Variants in PLEKHO1 observed in about 807,000 individuals in gnomAD.
PLEKHO1 encodes the protein pleckstrin homology domain-containing family O member 1.
PLEKHO1 carries 22 observed loss-of-function variants against 41.4 expected under a neutral mutation model. That is an observed-to-expected ratio of 0.53 (90% CI 0.38 to 0.76). PLEKHO1 has a LOEUF of 0.76. PLEKHO1 is among the 30% of genes least tolerant of loss of function. PLEKHO1 has a pLI of 0.00. For missense variants in PLEKHO1, 488 were observed against 518.3 expected (o/e 0.94, Z 0.57); for synonymous variants, 225 against 210.8 (o/e 1.07, Z -0.58).
chr1:150,156,793 A>C (rs781922691), intron 3 of PLEKHO1, 118 bp from the exon 4 acceptor site: 18 of 700,084 alleles, frequency 2.6e-5, no homozygotes, highest in African/African-American at 1.4e-4. Flanking sequence ...GAAGCAGAAT[A>C]TCTCTCCTTC....
At position 150,152,237 on chromosome 1, in the gene PLEKHO1, A is replaced by G. The variant is rs1427509887; in HGVS notation, c.177+1179A>G. Among the ~76,000 whole-genome samples the G allele has an allele frequency of 2.0e-5, 3 of 152,234 alleles. No homozygotes were observed. In the East Asian group the frequency reaches 5.8e-4, roughly 29 times the overall value. On this transcript the variant is annotated intron_variant, in intron 2 of 5. Transcript: ENST00000369124. ...AAGAACTAAGCTGTGCCACAGCCAA[A>G]GAGATCCCTCTTAAGGGTATTGAAA...
chr1:150,150,710 T>G lies in PLEKHO1; in HGVS notation c.31-202T>G, dbSNP rs1030812020. On this transcript the variant is annotated intron_variant, in intron 1 of 5. Coordinates refer to ENST00000369124, the MANE Select transcript of PLEKHO1 (RefSeq NM_016274.6). ...GCCACTTGCAGCCCCGGTTGTTTAT[T>G]CGGGAGCGGGGGAGGGGAGCGGGGG... 1.4e-5 allele frequency: 8 copies of G among 552,258 alleles called. No individual in the cohort carries two copies. In the African/African-American group the frequency reaches 1.5e-4, roughly 11 times the overall value. 34.2% of individuals were successfully genotyped at this position (552,258 alleles called of 1,614,324 possible).
chr1:150,156,802 T>C, intron 3 of PLEKHO1, 109 bp from the exon 4 acceptor site: 1 of 730,924 alleles, frequency 1.4e-6, no homozygotes, highest in Non-Finnish European at 2.5e-6. Flanking sequence ...TATCTCTCCT[T>C]CCTGGAGCTA....
At chr1:150,153,626 C>T (rs587736068) in intron 2 of PLEKHO1, 2 of 152,324 alleles carry the variant, frequency 1.3e-5, no homozygotes, top group East Asian at 3.9e-4. Flanking sequence ...CCCACAACCA[C>T]CTCTGCCGTA....
At chr1:150,156,284 T>G in intron 3 of PLEKHO1, 78 bp downstream of exon 3, 1 of 1,234,320 alleles carries the variant, frequency 8.1e-7, no homozygotes, top group Non-Finnish European at 1.2e-6. Flanking sequence ...TTCCCCTCAG[T>G]TTCTCTCTCA....
Position 150,159,049 on chromosome 1 carries a change from C to G in PLEKHO1, c.756C>G (p.Thr252=). Residue 252 remains threonine, a synonymous_variant, in exon 6 of 6, where the codon ACC becomes ACG. Coordinates refer to ENST00000369124, the MANE Select transcript of PLEKHO1 (RefSeq NM_016274.6). The part of the protein sequence containing the change: ...RPWEKTDKGA[T]YTPQAPKKLT... Reference sequence around the variant, plus strand: ...GGGAAAAAACAGACAAAGGGGCCACCTACACCCCCCAGGCACCCAAGAAGT... The same window carrying G: ...GGGAAAAAACAGACAAAGGGGCCACGTACACCCCCCAGGCACCCAAGAAGT... 1.9e-6 allele frequency: 3 copies of G among 1,614,092 alleles called. No homozygotes were observed. Among genetic ancestry groups the G allele is most frequent in the Non-Finnish European group, 2.5e-6 (3 of 1,179,964 alleles).
rs782218748 is a variant in PLEKHO1, at chr1:150,157,031, G to A, written c.423+16G>A. On this transcript the variant is annotated intron_variant, in intron 4 of 5. Transcript: ENST00000369124. ...CTTGGATGAGGTCAGGGGGCTCACT[G>A]TGGGGAGAGGGAGGAACGCTGGGGC... 2 of 1,503,260 alleles carry A rather than the reference G, an allele frequency of 1.3e-6. No homozygotes were observed. The highest frequency in any genetic ancestry group is 1.4e-5 in the African/African-American group (1 of 72,922). 93.1% of individuals were successfully genotyped at this position (1,503,260 alleles called of 1,614,324 possible). A position where few individuals can be genotyped will look rare whatever the true frequency, so the allele number is the denominator to read the frequency against.
rs1339182697 is a variant in PLEKHO1, at chr1:150,159,628, G to T, written c.*105G>T. Reference sequence around the variant, plus strand: ...TCAATCAAAAAAAGAAAACAAAAATGAACTCATTGCTCTTGCTGATGCCTG... The same window carrying T: ...TCAATCAAAAAAAGAAAACAAAAATTAACTCATTGCTCTTGCTGATGCCTG... On this transcript the variant is annotated 3_prime_UTR_variant, in exon 6 of 6. Transcript: ENST00000369124. 1.3e-6 allele frequency: 1 copy of T among 773,014 alleles called. No individual in the cohort carries two copies. Among genetic ancestry groups the T allele is most frequent in the Non-Finnish European group, 2.1e-6 (1 of 486,706 alleles). The allele number at this position is 773,014 out of a possible 1,614,324, so 47.9% of individuals were successfully genotyped here.
intron 3 of PLEKHO1, 133 bp downstream of exon 3, chr1:150,156,339 T>C: frequency 1.4e-6 from 1 of 730,636 alleles, no homozygotes; most frequent in Non-Finnish European, 2.2e-6. Flanking sequence ...TGCTGGCTTT[T>C]ATCATTTCAC....
At position 150,150,189 on chromosome 1, in the gene PLEKHO1, G is replaced by T; in HGVS notation, c.-69G>T. The stretch of plus-strand genomic sequence containing the variant: ...GCCCTCCCGCGGGGAAGGAGCCCCC[G>T]CGGTGCCGCCGAGGCCCCGACGCGG... On this transcript the variant is annotated 5_prime_UTR_variant, in exon 1 of 6. Transcript: ENST00000369124. 1 of 773,924 alleles carries T rather than the reference G, an allele frequency of 1.3e-6. No homozygotes were observed. The highest frequency in any genetic ancestry group is 1.6e-6 in the Non-Finnish European group (1 of 630,874). 47.9% of individuals were successfully genotyped at this position (773,924 alleles called of 1,614,324 possible). A position where few individuals can be genotyped will look rare whatever the true frequency, so the allele number is the denominator to read the frequency against.
chr1:150,151,334 A>C (rs1472793853), intron 2 of PLEKHO1, among the ~76,000 whole-genome samples: 1 of 152,164 alleles, frequency 6.6e-6, no homozygotes, highest in African/African-American at 2.4e-5. Flanking sequence ...CAGAAGTTCT[A>C]AGTGTCCCTT....
chr1:150,153,124 C>G (rs945782577), intron 2 of PLEKHO1: 1 of 152,148 alleles, frequency 6.6e-6, no homozygotes, highest in Non-Finnish European at 1.5e-5. Flanking sequence ...ACAGAGTACT[C>G]TGGGCTTTAT....
At chr1:150,155,095 C>T (rs1344279099) in intron 2 of PLEKHO1, 2 of 152,196 alleles carry the variant, frequency 1.3e-5, no homozygotes, top group African/African-American at 4.8e-5. Flanking sequence ...AATGCGGCCT[C>T]GATGAGACGT....
At chr1:150,157,217 T>C in intron 4 of PLEKHO1, 168 bp from the exon 5 acceptor site, 1 of 710,080 alleles carries the variant, frequency 1.4e-6, no homozygotes, top group South Asian at 1.5e-5. Flanking sequence ...CGCTTCATGA[T>C]GGGGGAGCCA....
rs782538181 is a variant in PLEKHO1, at chr1:150,156,180, G to C, written c.292G>C (p.Ala98Pro). The C allele has an allele frequency of 3.7e-6, 6 of 1,613,898 alleles. No individual in the cohort carries two copies. Among genetic ancestry groups the C allele is most frequent in the Non-Finnish European group, 5.1e-6 (6 of 1,179,922 alleles). ...SKKNHSKFTLAHSKQPGNTAP... is the reference protein window; with the variant it reads ...SKKNHSKFTLPHSKQPGNTAP... ...GAAAAATCATAGCAAGTTTACTCTT[G>C]CCCACTCCAAACAGCCCGGTAACAC... Residue 98 changes from alanine (A) to proline (P), a missense_variant, in exon 3 of 6, where the codon GCC becomes CCC. Coordinates refer to ENST00000369124, the MANE Select transcript of PLEKHO1 (RefSeq NM_016274.6).
chr1:150,150,372 G>C (rs1215047354), intron 1 of PLEKHO1, 85 bp downstream of exon 1: 7 of 635,736 alleles, frequency 1.1e-5, no homozygotes, highest in South Asian at 6.7e-5. Context: ...CGGCCTGGGA[G>C]ACCCACGGCC....
Position 150,150,157 on chromosome 1 carries a change from CTCCG to C in PLEKHO1, c.-100_-97del. On this transcript the variant is annotated 5_prime_UTR_variant, in exon 1 of 6. Transcript: ENST00000369124. ...GGGAGGAGCGGCGGCGCCGGGGCAGCTCCGACGCCCTCCCGCGGGGAAGGAGCCC... is the reference window on the plus strand; with the variant it reads ...GGGAGGAGCGGCGGCGCCGGGGCAGCACGCCCTCCCGCGGGGAAGGAGCCC... 2.5e-6 allele frequency: 1 copy of C among 395,362 alleles called. No individual in the cohort carries two copies. The highest frequency in any genetic ancestry group is 3.5e-6 in the Non-Finnish European group (1 of 286,586). 24.5% of individuals were successfully genotyped at this position (395,362 alleles called of 1,614,324 possible). A position where few individuals can be genotyped will look rare whatever the true frequency, so the allele number is the denominator to read the frequency against.
chr1:150,157,432 G>A lies in PLEKHO1; in HGVS notation c.471G>A (p.Arg157=). 1 of 1,614,018 alleles carries A rather than the reference G, an allele frequency of 6.2e-7. No homozygotes were observed. The highest frequency in any genetic ancestry group is 1.1e-5 in the South Asian group (1 of 91,078). Residue 157 remains arginine (R), a synonymous_variant, in exon 5 of 6, where the codon AGG becomes AGA. Coordinates refer to ENST00000369124, the MANE Select transcript of PLEKHO1 (RefSeq NM_016274.6). ...ATCTTGCCCATCCCACTCGAGACAG[G>A]GCAAAAATCCAGCACTCCCGCCGCC... is the stretch of plus-strand genomic sequence containing the variant. The part of the protein sequence containing the change: ...DSYLAHPTRD[R]AKIQHSRRPP...
At chr1:150,150,389 C>A in intron 1 of PLEKHO1, 102 bp downstream of exon 1, 1 of 456,694 alleles carries the variant, frequency 2.2e-6, no homozygotes. Flanking sequence ...GGCCCGGCCG[C>A]GCCCCCGCCC....
Sources: gnomAD v4.1 joint callset for allele counts (sites outside exome capture counted in the v4.1 genomes callset) on GRCh38, gnomAD v4.1.1 for gene constraint, MANE v1.5 for transcripts, NCBI Gene and HGNC (gene_info 2026-07-23, HGNC 2026-07-21) for gene names.